The following GALNT17 variants were observed in gnomAD, a reference collection of about 807,000 sequenced individuals.
GALNT17 encodes the protein polypeptide N-acetylgalactosaminyltransferase 17.
GALNT17 carries 29 observed loss-of-function variants against 63.7 expected under a neutral mutation model. The observed-to-expected ratio is 0.46, with a 90% CI of 0.34 to 0.62. The LOEUF (loss-of-function observed/expected upper bound fraction) is 0.62, where lower values mean the gene tolerates loss of function less well. GALNT17 is among the 20% of genes least tolerant of loss of function. The probability of loss-of-function intolerance (pLI) is 0.01; values close to 1 mark genes in which losing one functional copy is unlikely to be tolerated. For missense variants in GALNT17, 603 were observed against 799.6 expected (o/e 0.75, Z 2.97); for synonymous variants, 305 against 318.3 (o/e 0.96, Z 0.45).
chr7:71,671,682 A>G (rs528163826), intron 8 of GALNT17, among the ~76,000 whole-genome samples: 3 of 152,200 alleles, frequency 2.0e-5, no homozygotes. Flanking sequence ...TCTCCTCTAC[A>G]GGATTCCTGG....
intron 1 of GALNT17, among the ~76,000 whole-genome samples, chr7:71,318,029 C>A (rs1791531420): frequency 6.6e-6 from 1 of 152,044 alleles, no homozygotes; most frequent in Non-Finnish European, 1.5e-5. Context: ...TCAAGTGATC[C>A]TCCTACCTCA....
At chr7:71,641,520 G>C (rs915809440) in intron 6 of GALNT17, among the ~76,000 whole-genome samples, 1 of 152,060 alleles carries the variant, frequency 6.6e-6, no homozygotes, top group Non-Finnish European at 1.5e-5. Flanking sequence ...CCACTTTCTG[G>C]CTCCTAGACA....
At chr7:71,354,678 C>T (rs1469215900) in intron 2 of GALNT17, among the ~76,000 whole-genome samples, 2 of 152,218 alleles carry the variant, frequency 1.3e-5, no homozygotes, top group African/African-American at 4.8e-5. Context: ...TTCATTCTCT[C>T]TCTCTCTGCT....
chr7:71,495,743 G>C (rs1487483649), intron 5 of GALNT17, among the ~76,000 whole-genome samples: 1 of 152,132 alleles, frequency 6.6e-6, no homozygotes, highest in African/African-American at 2.4e-5. Context: ...CTTGAATTGG[G>C]CATCGTAATA....
At chr7:71,702,826 G>A (rs1791671540) in intron 9 of GALNT17, among the ~76,000 whole-genome samples, 1 of 152,162 alleles carries the variant, frequency 6.6e-6, no homozygotes, top group African/African-American at 2.4e-5. Flanking sequence ...CAGAGAAAGG[G>A]GTAAGTAAGG....
intron 2 of GALNT17, among the ~76,000 whole-genome samples, chr7:71,364,863 T>C (rs1563036511): frequency 6.6e-6 from 1 of 152,216 alleles, no homozygotes; most frequent in Non-Finnish European, 1.5e-5. Context: ...GCTTCTTTAA[T>C]CTACTTCCCT....
At chr7:71,292,573 A>G (rs1297134286) in intron 1 of GALNT17, among the ~76,000 whole-genome samples, 3 of 152,068 alleles carry the variant, frequency 2.0e-5, no homozygotes, top group Non-Finnish European at 1.5e-5. Context: ...ACATTGCAAA[A>G]TGACCACAAT....
intron 1 of GALNT17, among the ~76,000 whole-genome samples, chr7:71,232,715 G>C (rs1230500225): frequency 6.6e-6 from 1 of 152,112 alleles, no homozygotes; most frequent in East Asian, 1.9e-4. Context: ...GCCGCTCAGG[G>C]TCCGTGCTGC....
intron 5 of GALNT17, among the ~76,000 whole-genome samples, chr7:71,535,993 A>G (rs1016564695): frequency 6.6e-6 from 1 of 152,200 alleles, no homozygotes; most frequent in Non-Finnish European, 1.5e-5. Context: ...CAGCCAGGCC[A>G]TTATCAGAGC....
intron 9 of GALNT17, among the ~76,000 whole-genome samples, chr7:71,684,217 A>G (rs1437566793): frequency 6.6e-6 from 1 of 152,090 alleles, no homozygotes; most frequent in Non-Finnish European, 1.5e-5. Context: ...GCTACCCTGC[A>G]CGGAGAGCAC....
intron 1 of GALNT17, among the ~76,000 whole-genome samples, chr7:71,303,450 C>CT (rs912250273): frequency 5.9e-5 from 9 of 152,078 alleles, no homozygotes; most frequent in African/African-American, 1.9e-4. Flanking sequence ...ATTAACCAGC[C>CT]TTTTTTGAAT....
chr7:71,709,634 G>T (rs1460814217), intron 9 of GALNT17, among the ~76,000 whole-genome samples: 1 of 150,554 alleles, frequency 6.6e-6, no homozygotes, highest in Non-Finnish European at 1.5e-5. Flanking sequence ...GCCTCACTCT[G>T]TTGCCCAGGC....
At chr7:71,398,329 C>T (rs1398692404) in intron 3 of GALNT17, among the ~76,000 whole-genome samples, 2 of 151,824 alleles carry the variant, frequency 1.3e-5, no homozygotes, top group Non-Finnish European at 2.9e-5. Context: ...GATATTTTTG[C>T]TCTGTTTTCT....
At chr7:71,461,731 G>T (rs1266739549) in intron 5 of GALNT17, among the ~76,000 whole-genome samples, 1 of 152,194 alleles carries the variant, frequency 6.6e-6, no homozygotes, top group Non-Finnish European at 1.5e-5. Flanking sequence ...CCTCCCAGGA[G>T]TGGGGCTGCC....
At chr7:71,216,542 A>G (rs531569541) in intron 1 of GALNT17, among the ~76,000 whole-genome samples, 2 of 152,118 alleles carry the variant, frequency 1.3e-5, no homozygotes, top group East Asian at 1.9e-4. Context: ...ACATATACGT[A>G]TATTATACAT....
Position 71,644,010 on chromosome 7 carries a change from G to T in GALNT17, c.1081-21401G>T, listed in dbSNP as rs564712809. Among the ~76,000 whole-genome samples, 3 of 152,310 alleles carry T rather than the reference G, an allele frequency of 2.0e-5. No individual in the cohort carries two copies. The East Asian group carries it at 5.8e-4, about 29-fold the overall frequency. The stretch of plus-strand genomic sequence containing the variant: ...CTGAAAAATGAATTGTTTTCTGGGA[G>T]AGAAACAGAAATAAAAGTATTGGTT... On this transcript the variant is annotated intron_variant, in intron 6 of 10. Transcript: ENST00000333538.
intron 1 of GALNT17, among the ~76,000 whole-genome samples, chr7:71,253,984 G>A (rs1020477747): frequency 6.6e-6 from 1 of 152,138 alleles, no homozygotes. Flanking sequence ...GTCCTGGGAG[G>A]TCCTGAGAAC....
chr7:71,345,734 T>C (rs922924185), intron 2 of GALNT17, among the ~76,000 whole-genome samples: 2 of 152,124 alleles, frequency 1.3e-5, no homozygotes, highest in African/African-American at 4.8e-5. Context: ...TACTCATGGC[T>C]CAATACCCAA....
chr7:71,378,382 G>A (rs932830618), intron 2 of GALNT17, among the ~76,000 whole-genome samples: 5 of 152,054 alleles, frequency 3.3e-5, no homozygotes, highest in South Asian at 4.2e-4. Context: ...ACTCTTTCCC[G>A]AGATTATAGG....
Sources: gnomAD v4.1 joint callset for allele counts (sites outside exome capture counted in the v4.1 genomes callset) on GRCh38, gnomAD v4.1.1 for gene constraint, MANE v1.5 for transcripts, NCBI Gene and HGNC (gene_info 2026-07-23, HGNC 2026-07-21) for gene names.